The following CACNA1C variants were observed in gnomAD, a reference collection of about 807,000 sequenced individuals.
CACNA1C encodes calcium voltage-gated channel subunit alpha1 C, also known as voltage-dependent L-type calcium channel subunit alpha-1C.
A neutral mutation model predicts 229.0 loss-of-function variants in CACNA1C; 30 were observed. That is an observed-to-expected ratio of 0.13 (90% confidence interval 0.10 to 0.18). The LOEUF (loss-of-function observed/expected upper bound fraction) is 0.18, where lower values mean the gene tolerates loss of function less well. Among genes scored for constraint, CACNA1C ranks in the 10% least tolerant of loss-of-function variants. CACNA1C has a pLI of 1.00. For synonymous variants in CACNA1C, 1,114 were observed against 1,132.5 expected (o/e 0.98, Z 0.33); for missense variants, 1,658 against 2,845.0 (o/e 0.58, Z 9.49).
At chr12:2,332,375 G>T (rs1258048367) in intron 3 of CACNA1C, among the ~76,000 whole-genome samples, 1 of 152,156 alleles carries the variant, frequency 6.6e-6, no homozygotes, top group East Asian at 1.9e-4. Flanking sequence ...AAAGAAAAAG[G>T]CAAGTGCCCT....
Position 2,124,109 on chromosome 12 carries a change from CGTGTGTGTGTGTGTGTGTGT to C in CACNA1C, c.477+3701_477+3720del, listed in dbSNP as rs36202591. On this transcript the variant is annotated intron_variant, in intron 3 of 46. Transcript: ENST00000399655. ...GGTCTCTCCTTCCACTGGTCTAGCT[CGTGTGTGTGTGTGTGTGTGT>C]GTGTGTGTGTGTGTGTGTGTGCAGT... 7.6e-5 allele frequency among the ~76,000 whole-genome samples: 11 copies of C among 145,510 alleles called. 1 individual carries two copies. Among genetic ancestry groups the C allele is most frequent in the Admixed American group, 3.4e-4 (5 of 14,514 alleles).
intron 1 of CACNA1C, among the ~76,000 whole-genome samples, chr12:2,016,749 A>C (rs957682156): frequency 5.3e-5 from 8 of 152,140 alleles, no homozygotes. Context: ...ATTTCTGAGA[A>C]CAGTACCTGA....
intron 39 of CACNA1C, 125 bp downstream of exon 39, chr12:2,674,767 C>T: frequency 1.1e-6 from 1 of 906,532 alleles, no homozygotes; most frequent in South Asian, 1.9e-5. Flanking sequence ...TTCTTGAGTC[C>T]CCTAGGCTTG....
rs552540535 is a variant in CACNA1C, at chr12:2,097,239, A to G, written c.50-17985A>G. On this transcript the variant is annotated intron_variant, in intron 1 of 46. Coordinates refer to ENST00000399655, the MANE Select transcript of CACNA1C (RefSeq NM_000719.7). ...CGGCTCACTGCAAGCTCCGCCTCCC[A>G]GGTTCACACCATTCTCCTGCCTCAG... Among the ~76,000 whole-genome samples the G allele has an allele frequency of 4.6e-3, 698 of 152,146 alleles. 1 individual carries two copies. Among genetic ancestry groups the G allele is most frequent in the Non-Finnish European group, 6.8e-3 (462 of 67,984 alleles).
At chr12:2,269,440 G>A (rs1296098858) in intron 3 of CACNA1C, among the ~76,000 whole-genome samples, 3 of 152,152 alleles carry the variant, frequency 2.0e-5, no homozygotes, top group African/African-American at 7.2e-5. Flanking sequence ...CTGAGCCCCT[G>A]GGTTCTGGAT....
intron 1 of CACNA1C, among the ~76,000 whole-genome samples, chr12:1,976,684 C>A (rs1159618083): frequency 6.6e-6 from 1 of 152,114 alleles, no homozygotes; most frequent in Non-Finnish European, 1.5e-5. Context: ...ATATTAGTTT[C>A]TTGACCCTAG....
At chr12:2,494,194 C>G (rs1197367835) in intron 7 of CACNA1C, among the ~76,000 whole-genome samples, 1 of 152,146 alleles carries the variant, frequency 6.6e-6, no homozygotes, top group African/African-American at 2.4e-5. Context: ...AATAGCAAAT[C>G]TTCGTTTACC....
intron 3 of CACNA1C, among the ~76,000 whole-genome samples, chr12:2,295,069 G>C (rs953069147): frequency 6.6e-6 from 1 of 152,136 alleles, no homozygotes; most frequent in Non-Finnish European, 1.5e-5. Context: ...GAGTCTTTCT[G>C]CCAGCTCCCT....
rs375950982 is a variant in CACNA1C at position 2,581,662 on chromosome 12, T to A, written c.1968T>A (p.Leu656=). ...NSVRSIASLL[L]LLFLFIIIFS... is the part of the protein sequence containing the mutation. ...TGCGCTCCATCGCCTCCCTGCTCCTTCTCCTCTTCCTCTTCATCATCATCT... is the reference window on the plus strand; with the variant it reads ...TGCGCTCCATCGCCTCCCTGCTCCTACTCCTCTTCCTCTTCATCATCATCT... Residue 656 remains leucine, a synonymous_variant, in exon 14 of 47, where the codon CTT becomes CTA. Coordinates refer to ENST00000399655, the MANE Select transcript of CACNA1C (RefSeq NM_000719.7). 13 of 1,608,436 alleles carry A rather than the reference T, an allele frequency of 8.1e-6. No individual in the cohort carries two copies. The highest frequency in any genetic ancestry group is 5.0e-5 in the Admixed American group (3 of 59,416).
At chr12:2,189,419 A>T (rs2097145931) in intron 3 of CACNA1C, among the ~76,000 whole-genome samples, 1 of 152,204 alleles carries the variant, frequency 6.6e-6, no homozygotes, top group Non-Finnish European at 1.5e-5. Context: ...AAGGCTGGAG[A>T]AAACCTTGCA....
At chr12:2,089,830 C>G (rs553456027) in intron 1 of CACNA1C, among the ~76,000 whole-genome samples, 2 of 151,738 alleles carry the variant, frequency 1.3e-5, no homozygotes, top group Non-Finnish European at 2.9e-5. Context: ...GTCGGGAGAT[C>G]GAGACCAGCC....
intron 1 of CACNA1C, among the ~76,000 whole-genome samples, chr12:2,070,907 C>G (rs942089708): frequency 6.9e-6 from 1 of 145,066 alleles, no homozygotes; most frequent in Non-Finnish European, 1.5e-5. Context: ...TTCCTTTTCT[C>G]TCTCCTTCCT....
chr12:2,105,469 C>T lies in CACNA1C; in HGVS notation c.50-9755C>T, dbSNP rs1257088460. On this transcript the variant is annotated intron_variant, in intron 1 of 46. Coordinates refer to ENST00000399655, the MANE Select transcript of CACNA1C (RefSeq NM_000719.7). ...GTAGCAGGATGGGGGAGAGGAGGAC[C>T]GGCAGAGTGACAGAATGCTGCTGGA... Among the ~76,000 whole-genome samples, 6 of 152,294 alleles carry T rather than the reference C, an allele frequency of 3.9e-5. No individual in the cohort carries two copies. The South Asian group carries it at 6.2e-4, about 16-fold the overall frequency.
intron 11 of CACNA1C, among the ~76,000 whole-genome samples, chr12:2,565,129 T>C (rs942967815): frequency 6.6e-6 from 1 of 152,148 alleles, no homozygotes; most frequent in Admixed American, 6.5e-5. Context: ...TAGCCACTGG[T>C]TCTCAACCAT....
chr12:2,151,814 A>G (rs1186957762), intron 3 of CACNA1C, among the ~76,000 whole-genome samples: 3 of 152,216 alleles, frequency 2.0e-5, no homozygotes, highest in Non-Finnish European at 4.4e-5. Context: ...GTGGACCCTC[A>G]GGAATCCATT....
intron 1 of CACNA1C, among the ~76,000 whole-genome samples, chr12:1,995,483 T>C (rs2154475939): frequency 6.6e-6 from 1 of 152,394 alleles, no homozygotes; most frequent in South Asian, 2.1e-4. Context: ...TAGACTCATA[T>C]ACCAACGGTT....
chr12:2,046,397 C>G (rs764547685), intron 1 of CACNA1C, among the ~76,000 whole-genome samples: 9 of 152,142 alleles, frequency 5.9e-5, no homozygotes, highest in Non-Finnish European at 8.8e-5. Flanking sequence ...GTATCAACTT[C>G]TCTTTCCAAA....
intron 1 of CACNA1C, among the ~76,000 whole-genome samples, chr12:2,095,636 G>A (rs1443190475): frequency 6.6e-6 from 1 of 152,194 alleles, no homozygotes; most frequent in Non-Finnish European, 1.5e-5. Flanking sequence ...GGAGGAGAAG[G>A]GCTAGGCAGG....
intron 1 of CACNA1C, among the ~76,000 whole-genome samples, chr12:2,041,111 A>G (rs2049998264): frequency 6.6e-6 from 1 of 152,184 alleles, no homozygotes; most frequent in Non-Finnish European, 1.5e-5. Context: ...TTGAAAGGGT[A>G]GAAATAGGCA....
Sources: gnomAD v4.1 joint callset for allele counts (sites outside exome capture counted in the v4.1 genomes callset) on GRCh38, gnomAD v4.1.1 for gene constraint, MANE v1.5 for transcripts, NCBI Gene and HGNC (gene_info 2026-07-23, HGNC 2026-07-21) for gene names.